The following NOS1AP variants were observed in gnomAD, a reference collection of about 807,000 sequenced individuals.
The protein encoded by NOS1AP is carboxyl-terminal PDZ ligand of neuronal nitric oxide synthase protein.
In NOS1AP, 21 loss-of-function variants were observed where a neutral mutation model predicts 56.2. The ratio of observed to expected loss-of-function variants is 0.37; its 90% CI spans 0.26 to 0.54. The LOEUF is 0.54. Ranked by LOEUF, NOS1AP falls within the 20% of genes least tolerant of loss-of-function variation. The pLI is 0.84. For synonymous variants in NOS1AP, 270 were observed against 274.6 expected, an observed-to-expected ratio of 0.98 and a Z score of 0.17; for missense variants, 522 against 657.8, an observed-to-expected ratio of 0.79 and a Z score of 2.26.
At chr1:162,119,182 G>A (rs1327235775) in intron 1 of NOS1AP, among the ~76,000 whole-genome samples, 22 of 152,148 alleles carry the variant, frequency 1.4e-4, no homozygotes, top group Admixed American at 1.4e-3. Context: ...AAGAGAGGCT[G>A]CTTGGGGTCC....
In NOS1AP at chr1:162,078,317, C is replaced by G. The variant is rs74790097; in HGVS notation, c.105+8035C>G. On this transcript the variant is annotated intron_variant, in intron 1 of 9. Transcript: ENST00000361897. ...CAAATTTCTCTTCTGACTTCATTGT[C>G]TTTTAACGACCCCACCATCCTCTTG... Among the ~76,000 whole-genome samples the G allele has an allele frequency of 4.0e-3, 614 of 152,312 alleles. 8 individuals carry two copies. The East Asian group carries it at 0.048, about 12-fold the overall frequency.
At chr1:162,331,048 A>G (rs1333956410) in intron 4 of NOS1AP, among the ~76,000 whole-genome samples, 1 of 152,194 alleles carries the variant, frequency 6.6e-6, no homozygotes, top group African/African-American at 2.4e-5. Context: ...GAGAAGCTTG[A>G]GAACCATTCA....
At position 162,299,140 on chromosome 1, in the gene NOS1AP, C is replaced by A. The variant is rs545302821; in HGVS notation, c.271-1493C>A. Among the ~76,000 whole-genome samples, 11 of 152,314 alleles carry A rather than the reference C, an allele frequency of 7.2e-5. No homozygotes were observed. In the South Asian group the frequency reaches 1.9e-3, roughly 26 times the overall value. On this transcript the variant is annotated intron_variant, in intron 3 of 9. Coordinates refer to ENST00000361897, the MANE Select transcript of NOS1AP (RefSeq NM_014697.3). ...ATGCATGCAGATATTTGGACTTTAA[C>A]TCTGAAGAATTTCAGTGCATCAGTT...
chr1:162,283,068 CTCTT>C, intron 2 of NOS1AP, among the ~76,000 whole-genome samples: 1 of 133,806 alleles, frequency 7.5e-6, no homozygotes, highest in Admixed American at 7.8e-5. Context: ...TTCTCTCTCT[CTCTT>C]TATTGCTTGC....
At chr1:162,109,656 G>A (rs1647641353) in intron 1 of NOS1AP, among the ~76,000 whole-genome samples, 1 of 151,926 alleles carries the variant, frequency 6.6e-6, no homozygotes, top group Non-Finnish European at 1.5e-5. Context: ...GCATAAATAG[G>A]GCTCAGAAGA....
At chr1:162,131,745 C>A (rs1037025989) in intron 1 of NOS1AP, among the ~76,000 whole-genome samples, 1 of 149,434 alleles carries the variant, frequency 6.7e-6, no homozygotes, top group Non-Finnish European at 1.5e-5. Context: ...TTTTTTTTTT[C>A]TTTTTGGTTG....
Position 162,277,429 on chromosome 1 carries a change from C to T in NOS1AP, c.178-9915C>T, listed in dbSNP as rs569270447. Among the ~76,000 whole-genome samples the T allele has an allele frequency of 6.6e-5, 10 of 152,270 alleles. No homozygotes were observed. The South Asian group carries it at 8.3e-4, about 13-fold the overall frequency. The stretch of plus-strand genomic sequence containing the variant: ...CTTCATCATACCTTTCATTATACCA[C>T]GAATATTCACTGGGGCCATCAGTTC... On this transcript the variant is annotated intron_variant, in intron 2 of 9. Coordinates refer to ENST00000361897, the MANE Select transcript of NOS1AP (RefSeq NM_014697.3).
intron 2 of NOS1AP, among the ~76,000 whole-genome samples, chr1:162,164,909 G>A (rs376437631): frequency 2.0e-5 from 3 of 152,160 alleles, no homozygotes; most frequent in African/African-American, 4.8e-5. Context: ...TCTCACTTAC[G>A]AAGCACTTTC....
At chr1:162,267,405 A>G (rs576505338) in intron 2 of NOS1AP, among the ~76,000 whole-genome samples, 1 of 151,278 alleles carries the variant, frequency 6.6e-6, no homozygotes, top group East Asian at 1.9e-4. Context: ...CCCCACTGGA[A>G]TAACCACTAT....
intron 4 of NOS1AP, among the ~76,000 whole-genome samples, chr1:162,323,350 G>C (rs1163231767): frequency 6.6e-6 from 1 of 152,210 alleles, no homozygotes; most frequent in East Asian, 1.9e-4. Context: ...TTGACTTCTG[G>C]CCTCCTGAAC....
rs1406802035 is a variant in NOS1AP at position 162,212,779 on chromosome 1, CCTT to C, written c.177+58308_177+58310del. Among the ~76,000 whole-genome samples the C allele has an allele frequency of 2.0e-5, 3 of 150,032 alleles. No individual in the cohort carries two copies. In the Admixed American group the frequency reaches 2.0e-4, roughly 10 times the overall value. ...TGGCTGTGGAGAGTCTCCTACCTCTCCTTCTTCCTGCTGGGATGTTGCTTCTGC... is the reference window on the plus strand; with the variant it reads ...TGGCTGTGGAGAGTCTCCTACCTCTCCTTCCTGCTGGGATGTTGCTTCTGC... On this transcript the variant is annotated intron_variant, in intron 2 of 9. Transcript: ENST00000361897.
intron 2 of NOS1AP, among the ~76,000 whole-genome samples, chr1:162,165,093 G>A (rs529946043): frequency 4.9e-4 from 75 of 152,232 alleles, no homozygotes; most frequent in Non-Finnish European, 9.4e-4. Context: ...AGGCCAAGGC[G>A]AACAGATCAC....
At chr1:162,153,427 C>T (rs1160703066) in intron 1 of NOS1AP, among the ~76,000 whole-genome samples, 2 of 151,388 alleles carry the variant, frequency 1.3e-5, no homozygotes, top group African/African-American at 4.9e-5. Flanking sequence ...CAGTGCCCAG[C>T]CAAGATTATA....
At chr1:162,119,540 C>A (rs537172564) in intron 1 of NOS1AP, among the ~76,000 whole-genome samples, 1 of 152,234 alleles carries the variant, frequency 6.6e-6, no homozygotes, top group Non-Finnish European at 1.5e-5. Flanking sequence ...AAAATATAAG[C>A]AAAGGACTCG....
At position 162,356,659 on chromosome 1, in the gene NOS1AP, G is replaced by A. The variant is rs1046032479; in HGVS notation, c.763-301G>A. On this transcript the variant is annotated intron_variant, in intron 7 of 9. Transcript: ENST00000361897. Reference sequence around the variant, plus strand: ...GAACCTCAAGGAACTCAGTGACAGGGTATCATTGGAAGTGGTGGGCAAGAG... The same window carrying A: ...GAACCTCAAGGAACTCAGTGACAGGATATCATTGGAAGTGGTGGGCAAGAG... Among the ~76,000 whole-genome samples the A allele has an allele frequency of 3.0e-4, 45 of 152,174 alleles. 1 individual carries two copies. The highest frequency in any genetic ancestry group is 2.0e-4 in the Admixed American group (3 of 15,280).
intron 2 of NOS1AP, among the ~76,000 whole-genome samples, chr1:162,167,130 T>C (rs563731300): frequency 6.6e-6 from 1 of 152,340 alleles, no homozygotes; most frequent in Admixed American, 6.5e-5. Context: ...TGGAGAGGCA[T>C]TTAACCGCAC....
chr1:162,148,238 G>A (rs1649564245), intron 1 of NOS1AP, among the ~76,000 whole-genome samples: 1 of 152,230 alleles, frequency 6.6e-6, no homozygotes, highest in Non-Finnish European at 1.5e-5. Context: ...GGCACTTGGG[G>A]TGAATCTGTG....
chr1:162,238,173 T>C (rs2101677538), intron 2 of NOS1AP, among the ~76,000 whole-genome samples: 1 of 152,198 alleles, frequency 6.6e-6, no homozygotes. Context: ...TGTAACAATG[T>C]GTGGACTTGA....
chr1:162,089,523 A>G (rs1692081413), intron 1 of NOS1AP, among the ~76,000 whole-genome samples: 1 of 152,198 alleles, frequency 6.6e-6, no homozygotes, highest in South Asian at 2.1e-4. Context: ...CTCAAAAAGT[A>G]TTCATGTCTT....
Sources: gnomAD v4.1 joint callset for allele counts (sites outside exome capture counted in the v4.1 genomes callset) on GRCh38, gnomAD v4.1.1 for gene constraint, MANE v1.5 for transcripts, NCBI Gene and HGNC (gene_info 2026-07-23, HGNC 2026-07-21) for gene names.